GRIK2: variants seen among roughly 807,000 people sequenced by gnomAD.
The protein encoded by GRIK2 is glutamate receptor ionotropic, kainate 2.
GRIK2 carries 32 observed loss-of-function variants against 100.3 expected under a neutral mutation model. The observed-to-expected ratio is 0.32, with a 90% confidence interval of 0.24 to 0.43. The LOEUF (loss-of-function observed/expected upper bound fraction) is 0.43, where lower values mean the gene tolerates loss of function less well. Among genes scored for constraint, GRIK2 ranks in the 20% least tolerant of loss-of-function variants. The pLI is 1.00. For missense variants in GRIK2, 843 were observed against 1,114.9 expected (o/e 0.76, Z 3.47); for synonymous variants, 417 against 389.4 (o/e 1.07, Z -0.83).
chr6:102,042,394 A>AGAT (rs779003145), intron 15 of GRIK2, among the ~76,000 whole-genome samples: 1 of 151,604 alleles, frequency 6.6e-6, no homozygotes, highest in Non-Finnish European at 1.5e-5. Flanking sequence ...TTTAGAAGAA[A>AGAT]GATAAGGAAA....
intron 7 of GRIK2, among the ~76,000 whole-genome samples, chr6:101,725,348 A>G (rs1774786471): frequency 6.6e-6 from 1 of 152,074 alleles, no homozygotes; most frequent in Non-Finnish European, 1.5e-5. Flanking sequence ...TGTTAATTAT[A>G]GAGTCCTCTC....
At position 101,593,690 on chromosome 6, in the gene GRIK2, T is replaced by C. The variant is rs576789426; in HGVS notation, c.116-28259T>C. Among the ~76,000 whole-genome samples the C allele has an allele frequency of 7.2e-5, 11 of 152,024 alleles. No homozygotes were observed. The South Asian group carries it at 1.5e-3, about 20-fold the overall frequency. On this transcript the variant is annotated intron_variant, in intron 2 of 16. Transcript: ENST00000369134. Reference sequence around the variant, plus strand: ...TACAAACTCATAAAATTAGGTGTTATAGATTACGCTGCCAAAAGATGACTC... The same window carrying C: ...TACAAACTCATAAAATTAGGTGTTACAGATTACGCTGCCAAAAGATGACTC...
chr6:101,454,783 G>A (rs575730225), intron 2 of GRIK2, among the ~76,000 whole-genome samples: 4 of 152,154 alleles, frequency 2.6e-5, no homozygotes, highest in South Asian at 2.1e-4. Context: ...GGGAGAGCCT[G>A]CGAGGATTAC....
In GRIK2 at chr6:101,678,797, T is replaced by G. The variant is rs143313243; in HGVS notation, c.723+1993T>G. Among the ~76,000 whole-genome samples, 389 of 152,348 alleles carry G rather than the reference T, an allele frequency of 2.6e-3. 6 individuals carry two copies. The highest frequency in any genetic ancestry group is 9.1e-3 in the African/African-American group (377 of 41,588). ...TGAATAATAGGACTATGCAGAAAAA[T>G]AAATGGCCTTAATCAGTTTACTCTT... On this transcript the variant is annotated intron_variant, in intron 5 of 16. Coordinates refer to ENST00000369134, the MANE Select transcript of GRIK2 (RefSeq NM_021956.5).
At chr6:101,942,273 A>C (rs1791003166) in intron 14 of GRIK2, among the ~76,000 whole-genome samples, 1 of 152,162 alleles carries the variant, frequency 6.6e-6, no homozygotes, top group South Asian at 2.1e-4. Flanking sequence ...ATCGTTTAGC[A>C]TCATCTCCAT....
intron 2 of GRIK2, among the ~76,000 whole-genome samples, chr6:101,524,619 C>T (rs568966835): frequency 6.6e-6 from 1 of 152,070 alleles, no homozygotes; most frequent in South Asian, 2.1e-4. Context: ...AAGTAGACTG[C>T]TAATTGTTTG....
At chr6:101,953,807 T>A (rs1791745683) in intron 14 of GRIK2, among the ~76,000 whole-genome samples, 1 of 152,172 alleles carries the variant, frequency 6.6e-6, no homozygotes, top group African/African-American at 2.4e-5. Flanking sequence ...GCTTTTGATG[T>A]TATATCAAAG....
intron 7 of GRIK2, among the ~76,000 whole-genome samples, chr6:101,715,860 T>G (rs1331789517): frequency 6.6e-6 from 1 of 151,856 alleles, no homozygotes; most frequent in Non-Finnish European, 1.5e-5. Context: ...AAGTCATCAC[T>G]GACCCTATAT....
intron 14 of GRIK2, among the ~76,000 whole-genome samples, chr6:102,022,811 C>T (rs2114372072): frequency 6.6e-6 from 1 of 151,634 alleles, no homozygotes; most frequent in South Asian, 2.1e-4. Context: ...CTAGCTGTGC[C>T]TGCTAGAGCT....
chr6:101,527,857 G>A (rs1381937754), intron 2 of GRIK2, among the ~76,000 whole-genome samples: 1 of 152,122 alleles, frequency 6.6e-6, no homozygotes, highest in Non-Finnish European at 1.5e-5. Context: ...AGAGAGAACT[G>A]GTGGATGATT....
At chr6:101,806,199 A>G (rs1473027342) in intron 9 of GRIK2, among the ~76,000 whole-genome samples, 1 of 152,062 alleles carries the variant, frequency 6.6e-6, no homozygotes, top group Non-Finnish European at 1.5e-5. Context: ...AGTTCAGGCA[A>G]TACTTTTGCT....
intron 2 of GRIK2, among the ~76,000 whole-genome samples, chr6:101,550,533 A>G (rs1163511155): frequency 6.6e-6 from 1 of 152,216 alleles, no homozygotes; most frequent in Non-Finnish European, 1.5e-5. Context: ...TTGTAATGTC[A>G]TTGAGTAGGT....
At chr6:101,680,793 T>C (rs1223983151) in intron 5 of GRIK2, among the ~76,000 whole-genome samples, 1 of 152,188 alleles carries the variant, frequency 6.6e-6, no homozygotes, top group Non-Finnish European at 1.5e-5. Context: ...TCTACAAATA[T>C]GATCTTGTAA....
At chr6:101,709,543 T>C (rs537535864) in intron 7 of GRIK2, among the ~76,000 whole-genome samples, 1 of 151,990 alleles carries the variant, frequency 6.6e-6, no homozygotes, top group East Asian at 1.9e-4. Flanking sequence ...ACATTTGTCA[T>C]ATATATGCAT....
intron 14 of GRIK2, among the ~76,000 whole-genome samples, chr6:101,951,050 C>G (rs1219222808): frequency 6.6e-6 from 1 of 151,978 alleles, no homozygotes; most frequent in Non-Finnish European, 1.5e-5. Context: ...TTCCAATGTT[C>G]TGTTGTGAAT....
At chr6:101,788,454 G>T (rs1310928565) in intron 7 of GRIK2, among the ~76,000 whole-genome samples, 2 of 151,478 alleles carry the variant, frequency 1.3e-5, no homozygotes, top group Non-Finnish European at 2.9e-5. Flanking sequence ...GTGAGAACAT[G>T]CAGTGTTTGG....
At chr6:101,684,210 C>T (rs77306172) in intron 6 of GRIK2, among the ~76,000 whole-genome samples, 165 of 152,166 alleles carry the variant, frequency 1.1e-3, no homozygotes, top group African/African-American at 3.9e-3. Flanking sequence ...GAGAGCATTC[C>T]CTCATCAGCA....
At chr6:101,806,499 CCT>C (rs1364282190) in intron 9 of GRIK2, among the ~76,000 whole-genome samples, 4 of 152,002 alleles carry the variant, frequency 2.6e-5, no homozygotes, top group East Asian at 3.9e-4. Flanking sequence ...GAAATTGACC[CCT>C]GTCATCCCTC....
At position 101,970,207 on chromosome 6, in the gene GRIK2, A is replaced by ATTT. The variant is rs3029072; in HGVS notation, c.2085+41584_2085+41586dup. On this transcript the variant is annotated intron_variant, in intron 14 of 16. Coordinates refer to ENST00000369134, the MANE Select transcript of GRIK2 (RefSeq NM_021956.5). ...CTAATGCCAAAGGGCCAGAGTAATG[A>ATTT]TTTTTTTTTTTCTCTAGGATTTTTG... 1.3e-3 allele frequency among the ~76,000 whole-genome samples: 189 copies of ATTT among 149,558 alleles called. 1 individual carries two copies. In the South Asian group the frequency reaches 0.017, roughly 13 times the overall value.
Sources: allele counts gnomAD v4.1 joint callset (sites outside exome capture counted in the v4.1 genomes callset), GRCh38; gene constraint gnomAD v4.1.1; transcripts MANE v1.5; gene names NCBI Gene and HGNC (gene_info 2026-07-23, HGNC 2026-07-21).